KLHL29: variants seen among roughly 807,000 people sequenced by gnomAD.
The protein encoded by KLHL29 is kelch like family member 29.
In KLHL29, 21 loss-of-function variants were observed where a neutral mutation model predicts 80.4. That is an observed-to-expected ratio of 0.26 (90% confidence interval 0.19 to 0.38). The LOEUF (loss-of-function observed/expected upper bound fraction) is 0.38. Ranked by LOEUF, KLHL29 falls within the 10% of genes least tolerant of loss-of-function variation. KLHL29 has a pLI of 1.00. For missense variants in KLHL29, 867 were observed against 1,223.9 expected (o/e 0.71, Z 4.35); for synonymous variants, 511 against 526.8 (o/e 0.97, Z 0.41).
At chr2:23,458,674 A>G (rs1664129825) in intron 1 of KLHL29, among the ~76,000 whole-genome samples, 1 of 152,238 alleles carries the variant, frequency 6.6e-6, no homozygotes, top group Non-Finnish European at 1.5e-5. Context: ...TTTTGTTGGC[A>G]TCAGAATCAG....
Position 23,503,367 on chromosome 2 carries a change from C to T in KLHL29, c.-46+27700C>T, listed in dbSNP as rs1623027. Among the ~76,000 whole-genome samples the T allele has an allele frequency of 0.37, 56,264 of 152,072 alleles. 10,892 individuals carry two copies. The highest frequency in any genetic ancestry group is 0.42 in the Non-Finnish European group (28,257 of 67,978). On this transcript the variant is annotated intron_variant, in intron 2 of 13. Transcript: ENST00000486442. This position sits in a 1 kb window ranked among gnomAD's most constrained non-coding sequence, Gnocchi z 4.0. Reference sequence around the variant, plus strand: ...GTCACTAAGGTCACTTGTAGCCTGACCTTCCATGGCTCTATAATTCTCTTT... The same window carrying T: ...GTCACTAAGGTCACTTGTAGCCTGATCTTCCATGGCTCTATAATTCTCTTT...
At position 23,639,222 on chromosome 2, in the gene KLHL29, C is replaced by T; in HGVS notation, c.369C>T (p.Ser123=). The T allele has an allele frequency of 2.6e-6, 4 of 1,548,880 alleles. No homozygotes were observed. Among genetic ancestry groups the T allele is most frequent in the Non-Finnish European group, 2.6e-6 (3 of 1,145,756 alleles). ...IRWGQTPINQ[S]TPWDTDEPPS... ...GGGGGCAGACGCCTATCAATCAGTC[C>T]ACACCCTGGGACACTGATGAGCCAC... The change falls in exon 4 of 14, where the codon TCC becomes TCT. Residue 123 remains serine, a synonymous_variant. Coordinates refer to ENST00000486442, the MANE Select transcript of KLHL29 (RefSeq NM_052920.2).
At chr2:23,509,821 C>T (rs1665715488) in intron 2 of KLHL29, among the ~76,000 whole-genome samples, 2 of 152,250 alleles carry the variant, frequency 1.3e-5, no homozygotes, top group South Asian at 2.1e-4. Context: ...CTCTGGAGAG[C>T]GGCTGGGTGC....
chr2:23,487,938 C>T (rs889706142), intron 2 of KLHL29, among the ~76,000 whole-genome samples: 14 of 152,210 alleles, frequency 9.2e-5, no homozygotes, highest in African/African-American at 3.4e-4. Flanking sequence ...TCGGTGCATG[C>T]TCATTCCTCA....
chr2:23,490,824 T>G (rs1337040371), intron 2 of KLHL29, among the ~76,000 whole-genome samples: 1 of 152,168 alleles, frequency 6.6e-6, no homozygotes, highest in African/African-American at 2.4e-5. Flanking sequence ...AGCTGCTAGG[T>G]CACAGGGATC....
At chr2:23,481,482 C>T (rs1329364035) in intron 2 of KLHL29, among the ~76,000 whole-genome samples, 1 of 152,250 alleles carries the variant, frequency 6.6e-6, no homozygotes, top group African/African-American at 2.4e-5. Context: ...ACAGCTCCCA[C>T]CCCAGTCAGC....
chr2:23,507,284 A>C (rs1394351415), intron 2 of KLHL29: 1 of 202,950 alleles, frequency 4.9e-6, no homozygotes, highest in Non-Finnish European at 1.2e-5. Flanking sequence ...AGAATGGCTA[A>C]GGTAAGAAAG....
rs77052745 is a variant in KLHL29 at position 23,516,966 on chromosome 2, G to C, written c.-46+41299G>C. Among the ~76,000 whole-genome samples, 1,389 of 152,346 alleles carry C rather than the reference G, an allele frequency of 9.1e-3. 27 individuals are homozygous for C. The highest frequency in any genetic ancestry group is 0.031 in the African/African-American group (1,303 of 41,584). ...GGGGAGGCAGCGTGGGCTTTGTCAG[G>C]CTGGTGACGGACGTGCCTGGGAGCA... On this transcript the variant is annotated intron_variant, in intron 2 of 13. Coordinates refer to ENST00000486442, the MANE Select transcript of KLHL29 (RefSeq NM_052920.2).
At chr2:23,517,427 C>T (rs552624613) in intron 2 of KLHL29, among the ~76,000 whole-genome samples, 33 of 152,238 alleles carry the variant, frequency 2.2e-4, no homozygotes, top group African/African-American at 6.7e-4. Context: ...CCTGTAGTCC[C>T]GGTTACTCAG....
At chr2:23,600,561 G>C (rs1017676014) in intron 3 of KLHL29, among the ~76,000 whole-genome samples, 1 of 152,188 alleles carries the variant, frequency 6.6e-6, no homozygotes, top group Non-Finnish European at 1.5e-5. Flanking sequence ...GGGCTCCCGG[G>C]CTTTCCTGCA....
intron 13 of KLHL29, among the ~76,000 whole-genome samples, chr2:23,705,631 G>C (rs1223580073): frequency 6.6e-6 from 1 of 152,174 alleles, no homozygotes; most frequent in African/African-American, 2.4e-5. Flanking sequence ...GAGAAGACTG[G>C]AAGCTTCAGG....
intron 1 of KLHL29, among the ~76,000 whole-genome samples, chr2:23,409,273 G>A (rs879002804): frequency 1.3e-5 from 2 of 152,124 alleles, no homozygotes; most frequent in Admixed American, 1.3e-4. Flanking sequence ...TTCACTCTCC[G>A]CAGCTGTACT....
At chr2:23,691,603 T>C (rs1671608023) in intron 6 of KLHL29, 71 bp from the exon 7 acceptor site, 2 of 1,333,102 alleles carry the variant, frequency 1.5e-6, no homozygotes, top group Non-Finnish European at 2.1e-6. Flanking sequence ...TGCAGGGAGA[T>C]CTAGCCCTGT....
chr2:23,644,912 C>T (rs1053160350), intron 5 of KLHL29, among the ~76,000 whole-genome samples: 5 of 152,230 alleles, frequency 3.3e-5, no homozygotes, highest in African/African-American at 9.6e-5. Flanking sequence ...GACCCACCAG[C>T]TCTAGCCAGT....
At chr2:23,628,367 C>T (rs764705225) in intron 3 of KLHL29, among the ~76,000 whole-genome samples, 10 of 152,126 alleles carry the variant, frequency 6.6e-5, no homozygotes, top group East Asian at 1.9e-4. Flanking sequence ...TCTGGGGAGG[C>T]GCTGGGAAGG....
chr2:23,418,760 T>A (rs1662682890), intron 1 of KLHL29, among the ~76,000 whole-genome samples: 1 of 152,114 alleles, frequency 6.6e-6, no homozygotes, highest in African/African-American at 2.4e-5. Flanking sequence ...GTTTCATCTG[T>A]GAGTCAGGGA....
In KLHL29 at chr2:23,684,584, G is replaced by A. The variant is rs987152861; in HGVS notation, c.1079+47G>A. 15 of 1,479,644 alleles carry A rather than the reference G, an allele frequency of 1.0e-5. No individual in the cohort carries two copies. Among genetic ancestry groups the A allele is most frequent in the Admixed American group, 5.2e-5 (2 of 38,672 alleles). 91.7% of individuals were successfully genotyped at this position (1,479,644 alleles called of 1,614,324 possible). The stretch of plus-strand genomic sequence containing the variant: ...GGTCGGGTCTGTTCCTTTGTAGGAC[G>A]CTTTTGTGTCGCTTTTCTCTTCCCC... On this transcript the variant is annotated intron_variant, in intron 6 of 13. Transcript: ENST00000486442. The surrounding 1 kb of genome is among the most constrained non-coding windows in gnomAD (Gnocchi z 4.4).
chr2:23,520,993 C>G (rs1046445878), intron 2 of KLHL29, among the ~76,000 whole-genome samples: 21 of 103,702 alleles, frequency 2.0e-4, no homozygotes, highest in Non-Finnish European at 3.3e-4. Flanking sequence ...ACAAAGACCA[C>G]CCCCCCCCCC....
chr2:23,652,244 C>G (rs1156647729), intron 5 of KLHL29, among the ~76,000 whole-genome samples: 1 of 152,222 alleles, frequency 6.6e-6, no homozygotes, highest in African/African-American at 2.4e-5. Context: ...ATATATTTCC[C>G]ATGATTAGCA....
Sources: gnomAD v4.1 joint callset for allele counts (sites outside exome capture counted in the v4.1 genomes callset) on GRCh38, gnomAD v4.1.1 for gene constraint, Gnocchi (gnomAD v3.1) non-coding constraint, MANE v1.5 for transcripts, NCBI Gene and HGNC (gene_info 2026-07-23, HGNC 2026-07-21) for gene names.